The following FHIT variants were observed in gnomAD, a reference collection of about 807,000 sequenced individuals.
The protein encoded by FHIT is fragile histidine triad diadenosine triphosphatase.
FHIT carries 19 observed loss-of-function variants against 17.9 expected under a neutral mutation model. The ratio of observed to expected loss-of-function variants is 1.06; its 90% CI spans 0.74 to 1.56. The LOEUF is 1.56. Ranked by LOEUF, FHIT falls within the 40% of genes most tolerant of loss-of-function variation. FHIT has a pLI of 0.00. For missense variants in FHIT, 248 were observed against 189.2 expected, an observed-to-expected ratio of 1.31 and a Z score of -1.82; for synonymous variants, 81 against 69.7, an observed-to-expected ratio of 1.16 and a Z score of -0.81.
At chr3:61,194,114 GTTCT>G (rs2038790540) in intron 2 of FHIT, among the ~76,000 whole-genome samples, 1 of 152,064 alleles carries the variant, frequency 6.6e-6, no homozygotes, top group African/African-American at 2.4e-5. Flanking sequence ...TCTGTGTAAC[GTTCT>G]TTCTTCCCAG....
chr3:61,045,007 A>G (rs2365049), intron 2 of FHIT, among the ~76,000 whole-genome samples: 87,631 of 151,938 alleles, frequency 0.58, 27,886 homozygotes, highest in East Asian at 0.85. Context: ...AGGAACAACC[A>G]GTACCAGCCA....
intron 5 of FHIT, among the ~76,000 whole-genome samples, chr3:60,127,798 A>G (rs1221121175): frequency 1.3e-5 from 2 of 151,986 alleles, no homozygotes; most frequent in African/African-American, 4.8e-5. Context: ...ATGGCAGCCA[A>G]TATGTATACA....
At chr3:60,891,815 C>T (rs1021840842) in intron 3 of FHIT, among the ~76,000 whole-genome samples, 6 of 152,034 alleles carry the variant, frequency 3.9e-5, no homozygotes, top group Non-Finnish European at 7.4e-5. Flanking sequence ...AGTACCCGGG[C>T]GTTAAGACAA....
At chr3:60,162,410 C>T (rs925202049) in intron 5 of FHIT, among the ~76,000 whole-genome samples, 2 of 152,112 alleles carry the variant, frequency 1.3e-5, no homozygotes, top group Non-Finnish European at 2.9e-5. Context: ...TTCTCAAGTG[C>T]TTGTTTATTT....
At chr3:60,803,447 T>G (rs1196612579) in intron 4 of FHIT, among the ~76,000 whole-genome samples, 2 of 152,190 alleles carry the variant, frequency 1.3e-5, no homozygotes, top group Non-Finnish European at 2.9e-5. Flanking sequence ...TCCGCCCCAT[T>G]CACGTTCATT....
At chr3:59,886,629 A>G (rs1703635694) in intron 8 of FHIT, among the ~76,000 whole-genome samples, 1 of 152,142 alleles carries the variant, frequency 6.6e-6, no homozygotes, top group South Asian at 2.1e-4. Flanking sequence ...ACCAGCTTTC[A>G]TGGGAACTAA....
At chr3:61,067,824 T>C (rs2106726481) in intron 2 of FHIT, among the ~76,000 whole-genome samples, 1 of 152,310 alleles carries the variant, frequency 6.6e-6, no homozygotes, top group East Asian at 1.9e-4. Context: ...AAGCCTTGAG[T>C]TAACCCTTTA....
chr3:60,602,643 A>C (rs1399387942), intron 4 of FHIT, among the ~76,000 whole-genome samples: 7 of 152,172 alleles, frequency 4.6e-5, no homozygotes, highest in African/African-American at 1.4e-4. Flanking sequence ...ACCAGGACTA[A>C]ACAAATGGGA....
chr3:60,083,371 T>C (rs1703368636), intron 5 of FHIT, among the ~76,000 whole-genome samples: 1 of 152,144 alleles, frequency 6.6e-6, no homozygotes, highest in South Asian at 2.1e-4. Flanking sequence ...TATAGTACAG[T>C]TTGAAGTCAG....
chr3:60,247,688 C>T (rs1026964545), intron 5 of FHIT, among the ~76,000 whole-genome samples: 2 of 152,030 alleles, frequency 1.3e-5, no homozygotes, highest in Non-Finnish European at 1.5e-5. Flanking sequence ...TTCATAGTAA[C>T]GTAAGTTCAT....
At chr3:59,857,154 C>G (rs1702192233) in intron 8 of FHIT, among the ~76,000 whole-genome samples, 1 of 152,244 alleles carries the variant, frequency 6.6e-6, no homozygotes, top group African/African-American at 2.4e-5. Context: ...AATGTGTTCA[C>G]CTTTTCAGGG....
At chr3:60,474,019 C>A (rs1434314041) in intron 5 of FHIT, among the ~76,000 whole-genome samples, 2 of 152,002 alleles carry the variant, frequency 1.3e-5, no homozygotes, top group South Asian at 2.1e-4. Flanking sequence ...ATTTAAAGAA[C>A]CTCATACTCA....
At chr3:60,152,380 A>G (rs1700505438) in intron 5 of FHIT, among the ~76,000 whole-genome samples, 1 of 152,186 alleles carries the variant, frequency 6.6e-6, no homozygotes, top group South Asian at 2.1e-4. Context: ...GCTATTACTA[A>G]TGTGATGCAC....
intron 5 of FHIT, among the ~76,000 whole-genome samples, chr3:60,173,209 G>A (rs1383902604): frequency 6.6e-6 from 1 of 152,100 alleles, no homozygotes; most frequent in Non-Finnish European, 1.5e-5. Context: ...AGATCATGAT[G>A]GATTATGCAG....
At chr3:61,192,862 C>A (rs1236695712) in intron 2 of FHIT, among the ~76,000 whole-genome samples, 2 of 152,166 alleles carry the variant, frequency 1.3e-5, no homozygotes, top group Non-Finnish European at 2.9e-5. Context: ...AAGTACCACA[C>A]AAATGGTGAG....
chr3:60,465,934 T>C (rs2032765022), intron 5 of FHIT, among the ~76,000 whole-genome samples: 1 of 152,122 alleles, frequency 6.6e-6, no homozygotes, highest in South Asian at 2.1e-4. Context: ...ATGTCATTGG[T>C]ATTTTTATAT....
chr3:60,078,348 A>G (rs566862365), intron 5 of FHIT, among the ~76,000 whole-genome samples: 1 of 152,270 alleles, frequency 6.6e-6, no homozygotes, highest in South Asian at 2.1e-4. Flanking sequence ...AGGATATAAT[A>G]CTACCTCTGT....
intron 5 of FHIT, among the ~76,000 whole-genome samples, chr3:60,462,836 C>G (rs9860907): frequency 0.19 from 28,168 of 152,096 alleles, 2,804 homozygotes; most frequent in Admixed American, 0.29. Flanking sequence ...GTCCAAAAGA[C>G]TTTTCTGGCT....
intron 7 of FHIT, among the ~76,000 whole-genome samples, chr3:59,987,364 C>G (rs967020145): frequency 4.0e-5 from 6 of 151,694 alleles, no homozygotes; most frequent in African/African-American, 1.5e-4. Flanking sequence ...TCTATTAGTT[C>G]ATCGTGTGTG....
Sources: allele counts gnomAD v4.1 joint callset (sites outside exome capture counted in the v4.1 genomes callset), GRCh38; gene constraint gnomAD v4.1.1; transcripts MANE v1.5; gene names NCBI Gene and HGNC (gene_info 2026-07-23, HGNC 2026-07-21).